PARVA: variants seen among roughly 807,000 people sequenced by gnomAD.
PARVA encodes the protein parvin alpha.
PARVA carries 25 observed loss-of-function variants against 52.6 expected under a neutral mutation model. The ratio of observed to expected loss-of-function variants is 0.48; its 90% CI spans 0.35 to 0.66. PARVA has a LOEUF of 0.66. PARVA is among the 30% of genes least tolerant of loss of function. The pLI is 0.01. For missense variants in PARVA, 373 were observed against 450.9 expected, an observed-to-expected ratio of 0.83 and a Z score of 1.56; for synonymous variants, 185 against 179.1, an observed-to-expected ratio of 1.03 and a Z score of -0.26.
At chr11:12,514,779 C>A (rs1941548532) in intron 10 of PARVA, among the ~76,000 whole-genome samples, 1 of 152,362 alleles carries the variant, frequency 6.6e-6, no homozygotes, top group Admixed American at 6.5e-5. Context: ...AGCCACCGCA[C>A]CCAGCTGACT....
intron 1 of PARVA, among the ~76,000 whole-genome samples, chr11:12,378,648 C>G (rs1165322254): frequency 6.9e-6 from 1 of 145,942 alleles, no homozygotes; most frequent in South Asian, 2.1e-4. Context: ...ATTTTGCGTC[C>G]TGGTTTTTGG....
At chr11:12,426,344 T>C (rs545905850) in intron 1 of PARVA, among the ~76,000 whole-genome samples, 2 of 152,186 alleles carry the variant, frequency 1.3e-5, no homozygotes, top group East Asian at 1.9e-4. Flanking sequence ...AAGAGCTTAG[T>C]AGGCCTGAAA....
At chr11:12,509,648 T>C (rs1941482036) in intron 7 of PARVA, among the ~76,000 whole-genome samples, 1 of 152,186 alleles carries the variant, frequency 6.6e-6, no homozygotes, top group African/African-American at 2.4e-5. Context: ...GCGTGGGCAT[T>C]CCAGGCCGAG....
At chr11:12,444,433 C>T (rs376997358) in intron 1 of PARVA, among the ~76,000 whole-genome samples, 4 of 151,908 alleles carry the variant, frequency 2.6e-5, no homozygotes, top group African/African-American at 9.7e-5. Context: ...CCCAGTATAT[C>T]TTTCTTTGCT....
At chr11:12,490,613 C>G (rs1052673278) in intron 4 of PARVA, among the ~76,000 whole-genome samples, 1 of 151,506 alleles carries the variant, frequency 6.6e-6, no homozygotes. Context: ...AGGAATTTCT[C>G]AAGAATGTAA....
chr11:12,535,019 G>A lies in PARVA; in HGVS notation c.*7094G>A, dbSNP rs562384193. On this transcript the variant is annotated 3_prime_UTR_variant, in exon 13 of 13. Transcript: ENST00000334956. Reference sequence around the variant, plus strand: ...GTAAGTGTGCTCTAGGCTAGGCTACGAGAGGCCATGAGCTCCTCATCTCTT... The same window carrying A: ...GTAAGTGTGCTCTAGGCTAGGCTACAAGAGGCCATGAGCTCCTCATCTCTT... Among the ~76,000 whole-genome samples, 186 of 152,346 alleles carry A rather than the reference G, an allele frequency of 1.2e-3. No individual in the cohort carries two copies. The highest frequency in any genetic ancestry group is 2.1e-3 in the Non-Finnish European group (145 of 68,024).
intron 10 of PARVA, among the ~76,000 whole-genome samples, chr11:12,515,614 C>T (rs1037551679): frequency 1.3e-5 from 2 of 152,174 alleles, no homozygotes; most frequent in African/African-American, 4.8e-5. Context: ...CTGTGAATGA[C>T]CCCAACCCTA....
At chr11:12,507,963 T>G (rs992302481) in intron 6 of PARVA, among the ~76,000 whole-genome samples, 4 of 150,550 alleles carry the variant, frequency 2.7e-5, no homozygotes, top group Non-Finnish European at 4.4e-5. Context: ...ATGGGAGAAG[T>G]GTGGACAGAT....
At chr11:12,429,057 A>G (rs1940277642) in intron 1 of PARVA, among the ~76,000 whole-genome samples, 1 of 152,158 alleles carries the variant, frequency 6.6e-6, no homozygotes. Context: ...AGCTCACTGC[A>G]GCCTCGACCT....
intron 4 of PARVA, among the ~76,000 whole-genome samples, chr11:12,484,808 CTT>C (rs1177057401): frequency 0.033 from 3,388 of 102,606 alleles, 80 homozygotes; most frequent in East Asian, 0.11. Context: ...TTTTTGTTGA[CTT>C]TTTTTTTTTT....
intron 1 of PARVA, among the ~76,000 whole-genome samples, chr11:12,386,959 C>T (rs886213433): frequency 6.6e-6 from 1 of 152,212 alleles, no homozygotes; most frequent in Non-Finnish European, 1.5e-5. Flanking sequence ...CCCAAGGACA[C>T]CTCCATATTA....
rs138994520 is a variant in PARVA at position 12,378,479 on chromosome 11, A to G, written c.136+696A>G. Among the ~76,000 whole-genome samples, 8 of 152,256 alleles carry G rather than the reference A, an allele frequency of 5.3e-5. No individual in the cohort carries two copies. The East Asian group carries it at 1.5e-3, about 29-fold the overall frequency. Reference sequence around the variant, plus strand: ...AAGGAGAAAACCTGCGTGAGACACAAACTTCGTCATGGGCCTGCTGTGAAC... The same window carrying G: ...AAGGAGAAAACCTGCGTGAGACACAGACTTCGTCATGGGCCTGCTGTGAAC... On this transcript the variant is annotated intron_variant, in intron 1 of 12. Coordinates refer to ENST00000334956, the MANE Select transcript of PARVA (RefSeq NM_018222.5).
intron 1 of PARVA, among the ~76,000 whole-genome samples, chr11:12,387,522 C>G (rs560136978): frequency 5.2e-4 from 78 of 150,746 alleles, no homozygotes; most frequent in African/African-American, 1.9e-3. Flanking sequence ...CTCTTCCAGT[C>G]CCCAGATTCT....
chr11:12,508,416 C>T (rs1373135844), intron 6 of PARVA, among the ~76,000 whole-genome samples, 168 bp from the exon 7 acceptor site: 1 of 152,226 alleles, frequency 6.6e-6, no homozygotes, highest in Non-Finnish European at 1.5e-5. Flanking sequence ...TCAGTCCAGT[C>T]CCTGAAAATC....
At chr11:12,440,479 A>G (rs963284314) in intron 1 of PARVA, among the ~76,000 whole-genome samples, 1 of 152,166 alleles carries the variant, frequency 6.6e-6, no homozygotes, top group Non-Finnish European at 1.5e-5. Context: ...CTGCGTAACA[A>G]ATTATCACAA....
At chr11:12,513,006 C>T (rs1477762745) in intron 8 of PARVA, 1 of 559,486 alleles carries the variant, frequency 1.8e-6, no homozygotes. Flanking sequence ...TAATGGAATA[C>T]AATGAAGGGA....
chr11:12,467,413 A>G lies in PARVA; in HGVS notation c.137-6332A>G, dbSNP rs533342680. 2.0e-5 allele frequency among the ~76,000 whole-genome samples: 3 copies of G among 152,284 alleles called. No individual in the cohort carries two copies. In the East Asian group the frequency reaches 5.8e-4, roughly 29 times the overall value. On this transcript the variant is annotated intron_variant, in intron 1 of 12. Transcript: ENST00000334956. ...ACTAAGATTTCTAGTATAATTTTGA[A>G]TAGGCATGGTGAGAGGAGACATCCT...
At chr11:12,445,770 T>C (rs1311715811) in intron 1 of PARVA, among the ~76,000 whole-genome samples, 3 of 152,144 alleles carry the variant, frequency 2.0e-5, no homozygotes, top group Admixed American at 6.5e-5. Flanking sequence ...ATGGGGGCCA[T>C]ATGTCCTTAA....
intron 8 of PARVA, among the ~76,000 whole-genome samples, chr11:12,511,943 G>T (rs1224860429): frequency 6.6e-6 from 1 of 152,180 alleles, no homozygotes; most frequent in African/African-American, 2.4e-5. Context: ...TTTAGTGGGT[G>T]ATAGGTGTGC....
Sources: gnomAD v4.1 joint callset for allele counts (sites outside exome capture counted in the v4.1 genomes callset) on GRCh38, gnomAD v4.1.1 for gene constraint, MANE v1.5 for transcripts, NCBI Gene and HGNC (gene_info 2026-07-23, HGNC 2026-07-21) for gene names.